The following AGBL1 variants were observed in gnomAD, a reference collection of about 807,000 sequenced individuals.
AGBL1 encodes the protein AGBL carboxypeptidase 1, also known as cytosolic carboxypeptidase 4.
Under a neutral mutation model 118.9 loss-of-function variants are expected in AGBL1, and 130 were observed. The ratio of observed to expected loss-of-function variants is 1.09; its 90% CI spans 0.95 to 1.26. AGBL1 has a LOEUF of 1.26. Ranked by LOEUF, AGBL1 falls within the 50% of genes most tolerant of loss-of-function variation. The pLI, the probability that AGBL1 is intolerant of heterozygous loss-of-function variation, is 0.00. For synonymous variants in AGBL1, 555 were observed against 478.9 expected, an observed-to-expected ratio of 1.16 and a Z score of -2.08; for missense variants, 1,584 against 1,298.1, an observed-to-expected ratio of 1.22 and a Z score of -3.38.
At chr15:86,599,817 G>C (rs2084466766) in intron 21 of AGBL1, among the ~76,000 whole-genome samples, 1 of 151,982 alleles carries the variant, frequency 6.6e-6, no homozygotes, top group Non-Finnish European at 1.5e-5. Context: ...TTTTTTGCTT[G>C]AGATCCAATT....
chr15:86,995,885 C>T (rs1302640585), intron 24 of AGBL1, among the ~76,000 whole-genome samples: 1 of 152,088 alleles, frequency 6.6e-6, no homozygotes, highest in Non-Finnish European at 1.5e-5. Context: ...AGTGTATTTT[C>T]TCCAGCCTCC....
chr15:86,632,383 C>T (rs1157761064), intron 21 of AGBL1, among the ~76,000 whole-genome samples: 4 of 151,792 alleles, frequency 2.6e-5, no homozygotes, highest in South Asian at 2.1e-4. Context: ...GCGGAGGTTG[C>T]GGTGAGCCGA....
chr15:86,847,859 C>T (rs565771034), intron 22 of AGBL1, among the ~76,000 whole-genome samples: 4 of 152,242 alleles, frequency 2.6e-5, no homozygotes, highest in African/African-American at 9.6e-5. Context: ...TTACCGAGGC[C>T]CCTTCCAGCT....
chr15:86,391,551 G>T (rs1205717568), intron 17 of AGBL1, among the ~76,000 whole-genome samples: 2 of 150,388 alleles, frequency 1.3e-5, no homozygotes, highest in African/African-American at 2.5e-5. Flanking sequence ...TGCTCTCCTG[G>T]CCATTTCTTC....
chr15:86,722,458 A>G (rs9708220), intron 22 of AGBL1, among the ~76,000 whole-genome samples: 31,900 of 152,166 alleles, frequency 0.21, 6,124 homozygotes, highest in African/African-American at 0.51. Context: ...AGCCATCTGT[A>G]GAAAGCTGAA....
chr15:86,144,345 C>G (rs1440966561), intron 3 of AGBL1, among the ~76,000 whole-genome samples: 1 of 152,130 alleles, frequency 6.6e-6, no homozygotes, highest in Non-Finnish European at 1.5e-5. Context: ...AGAAATAATT[C>G]TATTATAAAG....
intron 17 of AGBL1, among the ~76,000 whole-genome samples, chr15:86,391,512 G>A (rs1052908285): frequency 1.3e-5 from 2 of 151,346 alleles, no homozygotes; most frequent in African/African-American, 4.9e-5. Flanking sequence ...CTTCATGTTA[G>A]CTGCATGATT....
chr15:87,019,114 C>T (rs1392664792), intron 24 of AGBL1, among the ~76,000 whole-genome samples: 1 of 152,092 alleles, frequency 6.6e-6, no homozygotes, highest in African/African-American at 2.4e-5. Flanking sequence ...CACCCAAGTT[C>T]ATAAAGCAAG....
At chr15:86,972,573 A>G (rs72755696) in intron 23 of AGBL1, among the ~76,000 whole-genome samples, 6,103 of 152,124 alleles carry the variant, frequency 0.04, 153 homozygotes, top group Middle Eastern at 0.068. Context: ...TGTCAAGCCT[A>G]TCTTTATGTT....
chr15:86,429,747 GTGAAA>G (rs781030338), intron 18 of AGBL1, among the ~76,000 whole-genome samples: 11 of 152,230 alleles, frequency 7.2e-5, no homozygotes, highest in Non-Finnish European at 1.3e-4. Flanking sequence ...CATATTGTAT[GTGAAA>G]TCAGGCATTT....
At chr15:86,886,972 C>T (rs2079979656) in intron 22 of AGBL1, among the ~76,000 whole-genome samples, 1 of 152,142 alleles carries the variant, frequency 6.6e-6, no homozygotes, top group African/African-American at 2.4e-5. Context: ...CAGATCAAAG[C>T]TCTATTAACT....
At chr15:86,710,337 G>A (rs1337055878) in intron 22 of AGBL1, among the ~76,000 whole-genome samples, 2 of 152,158 alleles carry the variant, frequency 1.3e-5, no homozygotes, top group Non-Finnish European at 2.9e-5. Flanking sequence ...CCCATTGTTA[G>A]TTGTCTTTTG....
rs370499575 is a variant in AGBL1, at chr15:86,804,523, C to T, written c.3159-102564C>T. The stretch of plus-strand genomic sequence containing the variant: ...ATAATAACAACAACAAATCTGGCCT[C>T]AGGAAAAATGCAAAATGGAAGGAAG... On this transcript the variant is annotated intron_variant, in intron 22 of 22. Coordinates refer to ENST00000614907, the MANE Select transcript of AGBL1 (RefSeq NM_001386094.1). Among the ~76,000 whole-genome samples, 3 of 152,216 alleles carry T rather than the reference C, an allele frequency of 2.0e-5. No individual in the cohort carries two copies. In the East Asian group the frequency reaches 5.8e-4, roughly 29 times the overall value.
intron 18 of AGBL1, among the ~76,000 whole-genome samples, chr15:86,428,855 G>C (rs2081898789): frequency 6.6e-6 from 1 of 152,146 alleles, no homozygotes; most frequent in Non-Finnish European, 1.5e-5. Context: ...TGCCCTTTTG[G>C]AGACTCATGT....
In AGBL1 at chr15:86,824,722, G is replaced by C. The variant is rs1004610515; in HGVS notation, c.3159-82365G>C. On this transcript the variant is annotated intron_variant, in intron 22 of 22. Coordinates refer to ENST00000614907, the MANE Select transcript of AGBL1 (RefSeq NM_001386094.1). Reference sequence around the variant, plus strand: ...TAGTAATCAAGGCAGCATGATATTGGCAGGGGAATAGACACATATAGATCA... The same window carrying C: ...TAGTAATCAAGGCAGCATGATATTGCCAGGGGAATAGACACATATAGATCA... Among the ~76,000 whole-genome samples, 4 of 152,146 alleles carry C rather than the reference G, an allele frequency of 2.6e-5. No homozygotes were observed. The East Asian group carries it at 7.7e-4, about 29-fold the overall frequency.
intron 21 of AGBL1, among the ~76,000 whole-genome samples, chr15:86,595,281 C>G (rs1321093043): frequency 2.0e-5 from 3 of 152,106 alleles, no homozygotes; most frequent in African/African-American, 7.2e-5. Context: ...AACCCCAGAC[C>G]TAAAAGTCTA....
chr15:86,835,866 C>T (rs1207290513), intron 22 of AGBL1, among the ~76,000 whole-genome samples: 2 of 152,084 alleles, frequency 1.3e-5, no homozygotes, highest in Non-Finnish European at 2.9e-5. Context: ...GTGTATGATC[C>T]ATGTATGTAC....
chr15:86,793,882 A>G (rs1378033855), intron 22 of AGBL1, among the ~76,000 whole-genome samples: 1 of 152,234 alleles, frequency 6.6e-6, no homozygotes, highest in Non-Finnish European at 1.5e-5. Flanking sequence ...GAGAAATGCA[A>G]ATTAAAACAA....
At chr15:86,636,270 C>T (rs997780523) in intron 21 of AGBL1, among the ~76,000 whole-genome samples, 3 of 152,076 alleles carry the variant, frequency 2.0e-5, no homozygotes, top group Non-Finnish European at 2.9e-5. Context: ...CATGAAACCT[C>T]ACCTTCTTTA....
Sources: gnomAD v4.1 joint callset for allele counts (sites outside exome capture counted in the v4.1 genomes callset) on GRCh38, gnomAD v4.1.1 for gene constraint, MANE v1.5 for transcripts, NCBI Gene and HGNC (gene_info 2026-07-23, HGNC 2026-07-21) for gene names.